Variants in KIF9 observed in about 807,000 individuals in gnomAD.
KIF9 encodes kinesin-like protein KIF9.
A neutral mutation model predicts 94.8 loss-of-function variants in KIF9; 68 were observed. That is an observed-to-expected ratio of 0.72 (90% CI 0.59 to 0.88). The LOEUF is 0.88. Among genes scored for constraint, KIF9 ranks in the 40% least tolerant of loss-of-function variants. The pLI, the probability that KIF9 is intolerant of heterozygous loss-of-function variation, is 0.00. For synonymous variants in KIF9, 343 were observed against 362.1 expected (o/e 0.95, Z 0.60); for missense variants, 882 against 982.5 (o/e 0.90, Z 1.37).
At chr3:47,268,528 C>G (rs1238322110) in intron 5 of KIF9, among the ~76,000 whole-genome samples, 1 of 151,560 alleles carries the variant, frequency 6.6e-6, no homozygotes. Flanking sequence ...CAGGCCTGTT[C>G]TACAAATCCA....
intron 1 of KIF9, among the ~76,000 whole-genome samples, chr3:47,279,310 TA>T (rs896126636): frequency 3.2e-4 from 47 of 148,236 alleles, no homozygotes; most frequent in Middle Eastern, 7.2e-3. Context: ...CTGTTTCCAC[TA>T]AAAAAAAATA....
Position 47,256,160 on chromosome 3 carries a change from G to C in KIF9, c.1059+1323C>G, listed in dbSNP as rs149272983. Among the ~76,000 whole-genome samples the C allele has an allele frequency of 3.8e-3, 579 of 152,370 alleles. 2 individuals are homozygous for C. The highest frequency in any genetic ancestry group is 0.012 in the African/African-American group (482 of 41,588). Reference sequence around the variant, plus strand: ...CTTGGCCTCCCAAAAGGCCGAGATTGCAGCCTCTGCTTGGCCGCCACCCCG... The same window carrying C: ...CTTGGCCTCCCAAAAGGCCGAGATTCCAGCCTCTGCTTGGCCGCCACCCCG... On this transcript the variant is annotated intron_variant, in intron 10 of 20. Transcript: ENST00000684063.
chr3:47,258,958 G>T (rs1215088836), intron 9 of KIF9, among the ~76,000 whole-genome samples: 2 of 152,138 alleles, frequency 1.3e-5, no homozygotes, highest in African/African-American at 4.8e-5. Flanking sequence ...AGCTACATGT[G>T]GCCAGTGGCT....
intron 7 of KIF9, 126 bp from the exon 8 acceptor site, chr3:47,266,003 C>T: frequency 2.1e-6 from 2 of 935,906 alleles, no homozygotes; most frequent in Non-Finnish European, 3.3e-6. Context: ...TTCCCAGAAC[C>T]AGGGTCTTCT....
chr3:47,253,678 T>C (rs1700406751), intron 10 of KIF9, among the ~76,000 whole-genome samples: 1 of 152,210 alleles, frequency 6.6e-6, no homozygotes, highest in African/African-American at 2.4e-5. Context: ...TAATAGAGAC[T>C]GTCGTTTGGG....
intron 12 of KIF9, 140 bp downstream of exon 12, chr3:47,247,233 C>T: frequency 1.7e-6 from 1 of 593,476 alleles, no homozygotes; most frequent in Non-Finnish European, 3.2e-6. Context: ...GGGACCCTGA[C>T]ATCAAGAGTC....
rs931445699 is a variant in KIF9 at position 47,282,717 on chromosome 3, A to C, written c.-228T>G. ...GGAAGACGAGAGATGGGGCCGATTG[A>C]TCTAGAAAGACTTCGGCGGATGCAC... On this transcript the variant is annotated 5_prime_UTR_variant, in exon 1 of 21. Coordinates refer to ENST00000684063, the MANE Select transcript of KIF9 (RefSeq NM_182902.4). 7.2e-7 allele frequency: 1 copy of C among 1,397,256 alleles called. No homozygotes were observed. The highest frequency in any genetic ancestry group is 1.5e-5 in the African/African-American group (1 of 68,536). 86.6% of individuals were successfully genotyped at this position (1,397,256 alleles called of 1,614,324 possible).
In KIF9 at chr3:47,262,852, A is replaced by G. The variant is rs193168120; in HGVS notation, c.981+1434T>C. On this transcript the variant is annotated intron_variant, in intron 9 of 20. Transcript: ENST00000684063. The stretch of plus-strand genomic sequence containing the variant: ...AGCTTGCCTTAAACATCCACACTTG[A>G]AAAGTAAAATGTCTAATGATAGCTT... Among the ~76,000 whole-genome samples, 172 of 152,304 alleles carry G rather than the reference A, an allele frequency of 1.1e-3. 1 individual carries two copies. Among genetic ancestry groups the G allele is most frequent in the African/African-American group, 3.8e-3 (157 of 41,572 alleles).
chr3:47,281,845 G>A (rs763670892), intron 1 of KIF9, among the ~76,000 whole-genome samples: 30 of 152,254 alleles, frequency 2.0e-4, no homozygotes, highest in Non-Finnish European at 1.8e-4. Flanking sequence ...TAGACAAGAG[G>A]AAAGGGAGCG....
chr3:47,269,067 C>A (rs752739115), intron 5 of KIF9, among the ~76,000 whole-genome samples: 4 of 152,142 alleles, frequency 2.6e-5, no homozygotes, highest in Non-Finnish European at 4.4e-5. Context: ...AGACACCGCG[C>A]CTGGCCTTGC....
At chr3:47,256,644 C>T (rs1440388110) in intron 10 of KIF9, among the ~76,000 whole-genome samples, 2 of 152,210 alleles carry the variant, frequency 1.3e-5, no homozygotes, top group African/African-American at 4.8e-5. Context: ...GGGAGGTGTG[C>T]CCAGCGGCTC....
chr3:47,257,446 C>T (rs1410441226), intron 10 of KIF9, 37 bp downstream of exon 10: 1 of 1,581,006 alleles, frequency 6.3e-7, no homozygotes, highest in East Asian at 2.2e-5. Flanking sequence ...ATACACTTTC[C>T]CCACAGTGGG....
intron 13 of KIF9, 66 bp downstream of exon 13, chr3:47,246,131 C>T: frequency 6.9e-7 from 1 of 1,447,656 alleles, no homozygotes; most frequent in Non-Finnish European, 9.7e-7. Context: ...GAGGCAAGTG[C>T]CCAGATGGCA....
At chr3:47,230,418 TA>T (rs1466956694) in intron 20 of KIF9, among the ~76,000 whole-genome samples, 1 of 151,774 alleles carries the variant, frequency 6.6e-6, no homozygotes, top group Non-Finnish European at 1.5e-5. Flanking sequence ...TCTCTATTTT[TA>T]AAAAATTGTT....
In KIF9 at chr3:47,275,389, G is replaced by T. The variant is rs771073222; in HGVS notation, c.195C>A (p.Ser65=). 6.2e-7 allele frequency: 1 copy of T among 1,613,968 alleles called. No individual in the cohort carries two copies. The highest frequency in any genetic ancestry group is 1.7e-5 in the Admixed American group (1 of 59,996). ...CAACTGTCTCATAAACCAAGTCCTG[G>T]GAGGCATCGTGAAGAACTCCATCCA... ...FKLDGVLHDA[S]QDLVYETVAK... The change falls in exon 3 of 21, where the codon TCC becomes TCA. Residue 65 remains serine (S), a synonymous_variant. Transcript: ENST00000684063.
intron 2 of KIF9, among the ~76,000 whole-genome samples, chr3:47,275,757 T>C (rs924586636): frequency 6.6e-6 from 1 of 152,194 alleles, no homozygotes; most frequent in Admixed American, 6.5e-5. Flanking sequence ...CTGTCTTTGT[T>C]TCCCCACCTA....
At position 47,266,979 on chromosome 3, in the gene KIF9, A is replaced by T; in HGVS notation, c.765T>A (p.Ser255=). 1 of 1,613,010 alleles carries T rather than the reference A, an allele frequency of 6.2e-7. No individual in the cohort carries two copies. The highest frequency in any genetic ancestry group is 1.1e-5 in the South Asian group (1 of 91,052). Residue 255 remains serine (S), a synonymous_variant, in exon 7 of 21, where the codon TCT becomes TCA. Coordinates refer to ENST00000684063, the MANE Select transcript of KIF9 (RefSeq NM_182902.4). ...ACCTCCAGCCCCCATCACTTACCCC[A>T]GACTTCCCCAGCCTCTCTGAGCCTG... is the stretch of plus-strand genomic sequence containing the variant. ...DLAGSERLGK[S]GSEGQVLKEA... is the part of the protein sequence containing the mutation.
chr3:47,264,042 A>G, intron 9 of KIF9: 1 of 564,138 alleles, frequency 1.8e-6, no homozygotes, highest in South Asian at 1.6e-5. Context: ...CTCCCTCCTC[A>G]CACAGTCTCC....
At chr3:47,230,364 G>A (rs1698470188) in intron 20 of KIF9, among the ~76,000 whole-genome samples, 1 of 151,934 alleles carries the variant, frequency 6.6e-6, no homozygotes, top group Non-Finnish European at 1.5e-5. Context: ...GATCCCTTGA[G>A]TCTAGGAACT....
Sources: gnomAD v4.1 joint callset for allele counts (sites outside exome capture counted in the v4.1 genomes callset) on GRCh38, gnomAD v4.1.1 for gene constraint, MANE v1.5 for transcripts, NCBI Gene and HGNC (gene_info 2026-07-23, HGNC 2026-07-21) for gene names.